TRAF3: variants seen among roughly 807,000 people sequenced by gnomAD.
TRAF3 encodes the protein TNF receptor associated factor 3, also known as TNF receptor-associated factor 3.
A neutral mutation model predicts 62.3 loss-of-function variants in TRAF3; 13 were observed. The observed-to-expected ratio is 0.21, with a 90% CI of 0.14 to 0.33. The LOEUF (loss-of-function observed/expected upper bound fraction) is 0.33. TRAF3 is among the 10% of genes least tolerant of loss of function. TRAF3 has a pLI of 1.00. For missense variants in TRAF3, 440 were observed against 741.8 expected (o/e 0.59, Z 4.73); for synonymous variants, 269 against 283.4 (o/e 0.95, Z 0.51).
At chr14:102,888,047 A>G (rs952630170) in intron 7 of TRAF3, among the ~76,000 whole-genome samples, 4 of 152,202 alleles carry the variant, frequency 2.6e-5, no homozygotes, top group Non-Finnish European at 5.9e-5. Context: ...CAATTTAGAA[A>G]AAGACCCAAC....
At chr14:102,821,455 TGACAG>T (rs1467903529) in intron 1 of TRAF3, among the ~76,000 whole-genome samples, 4 of 152,258 alleles carry the variant, frequency 2.6e-5, no homozygotes, top group Non-Finnish European at 5.9e-5. Context: ...CGAGTAATCA[TGACAG>T]GACAGAGTGG....
At chr14:102,873,811 G>A (rs375599135) in intron 4 of TRAF3, among the ~76,000 whole-genome samples, 62 of 152,002 alleles carry the variant, frequency 4.1e-4, no homozygotes, top group African/African-American at 1.4e-3. Context: ...CTCCAAATTA[G>A]TTTATTTTTA....
At chr14:102,790,639 C>A (rs536020787) in intron 1 of TRAF3, among the ~76,000 whole-genome samples, 3 of 152,088 alleles carry the variant, frequency 2.0e-5, no homozygotes, top group Non-Finnish European at 4.4e-5. Flanking sequence ...GAGAACAGCA[C>A]CCCCACGATT....
chr14:102,868,802 C>T (rs2139819665), intron 2 of TRAF3, among the ~76,000 whole-genome samples: 1 of 152,292 alleles, frequency 6.6e-6, no homozygotes, highest in East Asian at 1.9e-4. Flanking sequence ...GCTCACATTT[C>T]TTCAGGAACT....
intron 1 of TRAF3, among the ~76,000 whole-genome samples, chr14:102,796,848 T>G (rs1234692309): frequency 1.3e-5 from 2 of 152,242 alleles, no homozygotes; most frequent in African/African-American, 4.8e-5. Context: ...TCTGTCCTTT[T>G]GAATTCCAAA....
At chr14:102,831,106 A>G (rs549167240) in intron 2 of TRAF3, among the ~76,000 whole-genome samples, 9 of 152,256 alleles carry the variant, frequency 5.9e-5, no homozygotes, top group African/African-American at 2.2e-4. Context: ...GATTTCTCCC[A>G]TTCTCCCTAT....
chr14:102,806,202 G>C (rs1898764003), intron 1 of TRAF3, among the ~76,000 whole-genome samples: 1 of 152,118 alleles, frequency 6.6e-6, no homozygotes, highest in Non-Finnish European at 1.5e-5. Flanking sequence ...TTGCGCCAAG[G>C]TTGAGAAACC....
chr14:102,871,128 G>T (rs919464958), intron 3 of TRAF3, among the ~76,000 whole-genome samples: 4 of 152,230 alleles, frequency 2.6e-5, no homozygotes, highest in African/African-American at 7.2e-5. Flanking sequence ...GGGCATGTCG[G>T]CCTGGGAAGG....
At chr14:102,899,982 A>G (rs1337601533) in intron 10 of TRAF3, among the ~76,000 whole-genome samples, 2 of 151,806 alleles carry the variant, frequency 1.3e-5, no homozygotes, top group Non-Finnish European at 2.9e-5. Context: ...GATCGAGACC[A>G]TCCTGGCTAA....
intron 2 of TRAF3, among the ~76,000 whole-genome samples, chr14:102,838,247 A>G (rs1886147975): frequency 6.6e-6 from 1 of 152,254 alleles, no homozygotes; most frequent in Non-Finnish European, 1.5e-5. Flanking sequence ...GGCCAGCACC[A>G]TTGTAAGTGC....
At position 102,788,937 on chromosome 14, in the gene TRAF3, C is replaced by T. The variant is rs186284092; in HGVS notation, c.-157+11262C>T. ...AGTGACCTATGATCACACCACTGCA[C>T]TCCAGCCTGAAGGACAGATGGAGAA... On this transcript the variant is annotated intron_variant, in intron 1 of 11. Transcript: ENST00000392745. Among the ~76,000 whole-genome samples, 47 of 152,322 alleles carry T rather than the reference C, an allele frequency of 3.1e-4. 1 individual carries two copies. Among genetic ancestry groups the T allele is most frequent in the African/African-American group, 1.1e-3 (45 of 41,580 alleles).
Position 102,907,213 on chromosome 14 carries a change from G to T in TRAF3, c.*1429G>T, listed in dbSNP as rs1004113590. ...CGAGCCTCTCCGTGTCCCCACCGGG[G>T]CCGTGGGCACCCCCACAGCCCGAAG... On this transcript the variant is annotated 3_prime_UTR_variant, in exon 12 of 12. Transcript: ENST00000392745. The T allele has an allele frequency of 1.3e-5, 2 of 152,248 alleles. No individual in the cohort carries two copies. The highest frequency in any genetic ancestry group is 4.8e-5 in the African/African-American group (2 of 41,468). The allele number at this position is 152,248 out of a possible 1,614,324, so 9.4% of individuals were successfully genotyped here. A position where few individuals can be genotyped will look rare whatever the true frequency, so the allele number is the denominator to read the frequency against.
intron 1 of TRAF3, among the ~76,000 whole-genome samples, chr14:102,830,036 T>A (rs1165636056): frequency 1.3e-5 from 2 of 152,178 alleles, no homozygotes; most frequent in Non-Finnish European, 2.9e-5. Context: ...AATGTTGACA[T>A]CTTGATGGCC....
At chr14:102,782,790 G>T (rs4906263) in intron 1 of TRAF3, among the ~76,000 whole-genome samples, 3 of 151,740 alleles carry the variant, frequency 2.0e-5, no homozygotes, top group Non-Finnish European at 2.9e-5. Context: ...CCTGCTGCTT[G>T]GACATTCTGA....
At chr14:102,813,049 C>CA (rs1441019852) in intron 1 of TRAF3, among the ~76,000 whole-genome samples, 3 of 152,286 alleles carry the variant, frequency 2.0e-5, no homozygotes, top group African/African-American at 4.8e-5. Flanking sequence ...AATCTCGGCT[C>CA]ACCACAATCT....
chr14:102,833,152 G>T (rs1885752611), intron 2 of TRAF3, among the ~76,000 whole-genome samples: 1 of 152,158 alleles, frequency 6.6e-6, no homozygotes, highest in African/African-American at 2.4e-5. Context: ...CTTGCCTGTG[G>T]ACTGTCAGCT....
At chr14:102,891,264 C>T in intron 8 of TRAF3, 61 bp from the exon 9 acceptor site, 2 of 1,489,184 alleles carry the variant, frequency 1.3e-6, no homozygotes. Flanking sequence ...CGTATGTTAG[C>T]CGTTCTGCCC....
At chr14:102,891,533 ATGTC>A in intron 9 of TRAF3, 116 bp downstream of exon 9, 10 of 1,152,326 alleles carry the variant, frequency 8.7e-6, no homozygotes, top group Middle Eastern at 2.0e-4. Flanking sequence ...TATCAAGAGA[ATGTC>A]AAAAAAAACT....
Position 102,897,362 on chromosome 14 carries a change from A to G in TRAF3, c.921A>G (p.Glu307=), listed in dbSNP as rs1890057504. The stretch of plus-strand genomic sequence containing the variant: ...AAATTGAAATTGAGAGACAAAAGGA[A>G]ATGCTTCGAAATAATGAATCCAAAA... The part of the protein sequence containing the change: ...SFEIEIERQK[E]MLRNNESKIL... The change falls in exon 10 of 12, where the codon GAA becomes GAG. Residue 307 remains glutamate, a synonymous_variant. Transcript: ENST00000392745. 6.2e-7 allele frequency: 1 copy of G among 1,613,882 alleles called. No individual in the cohort carries two copies. The highest frequency in any genetic ancestry group is 8.5e-7 in the Non-Finnish European group (1 of 1,179,950).
Sources: gnomAD v4.1 joint callset for allele counts (sites outside exome capture counted in the v4.1 genomes callset) on GRCh38, gnomAD v4.1.1 for gene constraint, MANE v1.5 for transcripts, NCBI Gene and HGNC (gene_info 2026-07-23, HGNC 2026-07-21) for gene names.